BRINP3: variants seen among roughly 807,000 people sequenced by gnomAD.
The protein encoded by BRINP3 is BMP/retinoic acid inducible neural specific 3.
A neutral mutation model predicts 71.0 loss-of-function variants in BRINP3; 19 were observed. That is an observed-to-expected ratio of 0.27 (90% confidence interval 0.19 to 0.39). The LOEUF is 0.39. Among genes scored for constraint, BRINP3 ranks in the 10% least tolerant of loss-of-function variants. The pLI is 1.00. For synonymous variants in BRINP3, 380 were observed against 337.7 expected (o/e 1.13, Z -1.37); for missense variants, 959 against 940.8 (o/e 1.02, Z -0.25).
chr1:190,137,940 G>T (rs948849352), intron 7 of BRINP3, among the ~76,000 whole-genome samples: 1 of 151,680 alleles, frequency 6.6e-6, no homozygotes, highest in Non-Finnish European at 1.5e-5. Context: ...ATTATGAAAA[G>T]ACTTCCTAGT....
intron 4 of BRINP3, among the ~76,000 whole-genome samples, chr1:190,262,996 G>A (rs902117064): frequency 6.6e-6 from 1 of 151,904 alleles, no homozygotes; most frequent in Non-Finnish European, 1.5e-5. Context: ...ATGTTTTGAT[G>A]TGAAATGTGC....
chr1:190,282,115 A>G (rs888045693), intron 2 of BRINP3, among the ~76,000 whole-genome samples: 23 of 151,998 alleles, frequency 1.5e-4, no homozygotes, highest in African/African-American at 5.1e-4. Context: ...ATATTGGAAA[A>G]AAAGAATGAT....
intron 2 of BRINP3, among the ~76,000 whole-genome samples, chr1:190,351,984 A>T (rs956122648): frequency 6.6e-6 from 1 of 152,092 alleles, no homozygotes; most frequent in African/African-American, 2.4e-5. Flanking sequence ...AATTTTATAC[A>T]GAAAAAATTC....
At chr1:190,476,251 T>TTA (rs1553332963) in intron 1 of BRINP3, among the ~76,000 whole-genome samples, 1 of 142,236 alleles carries the variant, frequency 7.0e-6, no homozygotes, top group Non-Finnish European at 1.5e-5. Flanking sequence ...TCCCAGAAAT[T>TTA]AAAAAAAAAA....
intron 2 of BRINP3, among the ~76,000 whole-genome samples, chr1:190,379,749 C>T (rs543726612): frequency 6.6e-6 from 1 of 151,770 alleles, no homozygotes; most frequent in South Asian, 2.1e-4. Context: ...CCTGTAATCC[C>T]AGCACTTTGG....
chr1:190,289,836 T>C lies in BRINP3; in HGVS notation c.237-8086A>G, dbSNP rs79762784. Among the ~76,000 whole-genome samples, 309 of 152,150 alleles carry C rather than the reference T, an allele frequency of 2.0e-3. 12 individuals are homozygous for C. The East Asian group carries it at 0.057, about 28-fold the overall frequency. ...TCTCCAATTAATTCAGGTCCTCTTGTTATATGCACTCGTGGCACAATTTTC... is the reference window on the plus strand; with the variant it reads ...TCTCCAATTAATTCAGGTCCTCTTGCTATATGCACTCGTGGCACAATTTTC... On this transcript the variant is annotated intron_variant, in intron 2 of 7. Transcript: ENST00000367462.
chr1:190,431,228 A>G (rs1674077594), intron 2 of BRINP3, among the ~76,000 whole-genome samples: 1 of 152,180 alleles, frequency 6.6e-6, no homozygotes. Context: ...TAATTAATTG[A>G]TTGTAAATGC....
chr1:190,297,260 C>T (rs970781421), intron 2 of BRINP3, among the ~76,000 whole-genome samples: 1 of 151,488 alleles, frequency 6.6e-6, no homozygotes, highest in Non-Finnish European at 1.5e-5. Context: ...TAATTTTTGA[C>T]AATGGTGTGA....
At chr1:190,154,600 C>T (rs1004001494) in intron 7 of BRINP3, among the ~76,000 whole-genome samples, 4 of 152,064 alleles carry the variant, frequency 2.6e-5, no homozygotes, top group Non-Finnish European at 4.4e-5. Context: ...GGATATATTC[C>T]TTACTGATAC....
intron 2 of BRINP3, among the ~76,000 whole-genome samples, chr1:190,391,864 C>T (rs899485195): frequency 1.3e-5 from 2 of 151,742 alleles, no homozygotes; most frequent in African/African-American, 4.8e-5. Flanking sequence ...AACTTTATCA[C>T]TGTGCATTCA....
chr1:190,148,144 C>T (rs1557188), intron 7 of BRINP3, among the ~76,000 whole-genome samples: 20,698 of 151,988 alleles, frequency 0.14, 2,093 homozygotes, highest in African/African-American at 0.26. Context: ...ATATATTTTG[C>T]TTGGTGCTGA....
intron 7 of BRINP3, among the ~76,000 whole-genome samples, chr1:190,126,897 A>C (rs1264554523): frequency 6.6e-6 from 1 of 151,872 alleles, no homozygotes; most frequent in East Asian, 1.9e-4. Flanking sequence ...TATAGTTTCT[A>C]CCTTCATTGG....
At chr1:190,199,445 G>A (rs537794639) in intron 6 of BRINP3, among the ~76,000 whole-genome samples, 1 of 152,124 alleles carries the variant, frequency 6.6e-6, no homozygotes, top group Admixed American at 6.6e-5. Flanking sequence ...AATGTCCAAC[G>A]TTTGATAGAC....
intron 2 of BRINP3, among the ~76,000 whole-genome samples, chr1:190,413,344 T>C (rs1672812500): frequency 6.6e-6 from 1 of 152,230 alleles, no homozygotes; most frequent in African/African-American, 2.4e-5. Flanking sequence ...AATGATGATG[T>C]CACCTATAAA....
intron 6 of BRINP3, among the ~76,000 whole-genome samples, chr1:190,223,960 A>G (rs1408038513): frequency 1.3e-5 from 2 of 151,800 alleles, no homozygotes; most frequent in South Asian, 2.1e-4. Flanking sequence ...TATAAGAAAA[A>G]CTATGAAATT....
intron 6 of BRINP3, among the ~76,000 whole-genome samples, chr1:190,180,102 C>A (rs1455065755): frequency 6.6e-6 from 1 of 152,064 alleles, no homozygotes; most frequent in Non-Finnish European, 1.5e-5. Context: ...CCCAACATGC[C>A]TTTGACCTGG....
At chr1:190,134,502 C>A (rs1394874258) in intron 7 of BRINP3, among the ~76,000 whole-genome samples, 5 of 151,778 alleles carry the variant, frequency 3.3e-5, no homozygotes, top group African/African-American at 9.7e-5. Flanking sequence ...AAAAGAAGGG[C>A]GGGAGTGAAA....
At chr1:190,389,218 C>T (rs531569017) in intron 2 of BRINP3, among the ~76,000 whole-genome samples, 1 of 151,624 alleles carries the variant, frequency 6.6e-6, no homozygotes, top group Non-Finnish European at 1.5e-5. Context: ...TTATAAGTCA[C>T]CAAAATTTGA....
intron 2 of BRINP3, among the ~76,000 whole-genome samples, chr1:190,322,567 G>A (rs1287942517): frequency 6.6e-6 from 1 of 151,886 alleles, no homozygotes; most frequent in Non-Finnish European, 1.5e-5. Flanking sequence ...CCTAAGACAG[G>A]GTAGTGATGA....
Sources: gnomAD v4.1 joint callset for allele counts (sites outside exome capture counted in the v4.1 genomes callset) on GRCh38, gnomAD v4.1.1 for gene constraint, MANE v1.5 for transcripts, NCBI Gene and HGNC (gene_info 2026-07-23, HGNC 2026-07-21) for gene names.